Variants in TRAPPC9 observed in about 807,000 individuals in gnomAD.
TRAPPC9 encodes IKK2 binding protein.
A neutral mutation model predicts 124.0 loss-of-function variants in TRAPPC9; 83 were observed. The ratio of observed to expected loss-of-function variants is 0.67; its 90% CI spans 0.56 to 0.80. The LOEUF (loss-of-function observed/expected upper bound fraction) is 0.80, where lower values mean the gene tolerates loss of function less well. TRAPPC9 is among the 30% of genes least tolerant of loss of function. The probability of loss-of-function intolerance (pLI) is 0.00; values close to 1 mark genes in which losing one functional copy is unlikely to be tolerated. For synonymous variants in TRAPPC9, 638 were observed against 617.5 expected, an observed-to-expected ratio of 1.03 and a Z score of -0.49; for missense variants, 1,302 against 1,508.3, an observed-to-expected ratio of 0.86 and a Z score of 2.27.
At chr8:140,242,539 A>T (rs2063884677) in intron 16 of TRAPPC9, among the ~76,000 whole-genome samples, 1 of 152,204 alleles carries the variant, frequency 6.6e-6, no homozygotes, top group African/African-American at 2.4e-5. Flanking sequence ...AGAGAATGAC[A>T]ATCCATCAGA....
rs1167874930 is a variant in TRAPPC9 at position 140,052,048 on chromosome 8, G to A, written c.2557-27969C>T. 4.6e-5 allele frequency among the ~76,000 whole-genome samples: 7 copies of A among 152,254 alleles called. No individual in the cohort carries two copies. The East Asian group carries it at 1.2e-3, about 25-fold the overall frequency. ...TAGTTAAGAAAGATGGAGCATCAGG[G>A]GCCGGCCAGGTGACCACCAGAGGAG... On this transcript the variant is annotated intron_variant, in intron 17 of 22. Coordinates refer to ENST00000438773, the MANE Select transcript of TRAPPC9 (RefSeq NM_001160372.4).
rs151187286 is a variant in TRAPPC9 at position 140,044,629 on chromosome 8, G to A, written c.2557-20550C>T. Among the ~76,000 whole-genome samples the A allele has an allele frequency of 3.9e-3, 601 of 152,340 alleles. 1 individual carries two copies. The highest frequency in any genetic ancestry group is 6.9e-3 in the Non-Finnish European group (471 of 68,030). Reference sequence around the variant, plus strand: ...TGGCAAGCTGCCCAGTGGAGGAGGTGGGTAAATGCTACGGACGGAATACAT... The same window carrying A: ...TGGCAAGCTGCCCAGTGGAGGAGGTAGGTAAATGCTACGGACGGAATACAT... On this transcript the variant is annotated intron_variant, in intron 17 of 22. Transcript: ENST00000438773.
intron 21 of TRAPPC9, among the ~76,000 whole-genome samples, chr8:139,843,311 C>G (rs968005976): frequency 2.6e-5 from 4 of 152,176 alleles, no homozygotes; most frequent in Non-Finnish European, 5.9e-5. Flanking sequence ...GGCTGAGACT[C>G]GGCCCCGGGG....
At chr8:140,255,463 G>A (rs1463035597) in intron 15 of TRAPPC9, among the ~76,000 whole-genome samples, 1 of 152,252 alleles carries the variant, frequency 6.6e-6, no homozygotes, top group Non-Finnish European at 1.5e-5. Context: ...TACTATCACA[G>A]TATTTTAGAA....
intron 17 of TRAPPC9, among the ~76,000 whole-genome samples, chr8:140,088,359 C>CA (rs1453935104): frequency 6.6e-6 from 1 of 152,186 alleles, no homozygotes; most frequent in Non-Finnish European, 1.5e-5. Flanking sequence ...TATCCATCCT[C>CA]AAAACCATCT....
chr8:140,443,110 C>G (rs2071089891), intron 2 of TRAPPC9, among the ~76,000 whole-genome samples: 1 of 106,200 alleles, frequency 9.4e-6, no homozygotes, highest in African/African-American at 3.8e-5. Flanking sequence ...TCTGGCCTGG[C>G]AACGGAGCGA....
intron 8 of TRAPPC9, 77 bp downstream of exon 8, chr8:140,370,887 T>G: frequency 6.5e-7 from 1 of 1,546,970 alleles, no homozygotes; most frequent in Non-Finnish European, 8.9e-7. Context: ...TGTCTGCCAC[T>G]CAGGGCAGGG....
chr8:140,222,846 C>T (rs2063366749), intron 16 of TRAPPC9, among the ~76,000 whole-genome samples: 1 of 152,156 alleles, frequency 6.6e-6, no homozygotes, highest in Non-Finnish European at 1.5e-5. Context: ...GCCAAGAGAA[C>T]AAACCACCAG....
intron 9 of TRAPPC9, among the ~76,000 whole-genome samples, chr8:140,320,119 T>TG (rs1387578063): frequency 6.6e-6 from 1 of 152,196 alleles, no homozygotes; most frequent in Non-Finnish European, 1.5e-5. Context: ...ATCAAATATC[T>TG]GAAGTTACAT....
chr8:139,746,039 G>C (rs943647375), intron 21 of TRAPPC9, among the ~76,000 whole-genome samples: 1 of 152,204 alleles, frequency 6.6e-6, no homozygotes, highest in Non-Finnish European at 1.5e-5. Context: ...ACCAAGGCCA[G>C]TGTGCACCTT....
intron 17 of TRAPPC9, among the ~76,000 whole-genome samples, chr8:140,047,975 A>G (rs1841727438): frequency 6.6e-6 from 1 of 152,206 alleles, no homozygotes; most frequent in Admixed American, 6.5e-5. Context: ...CCCCAGCCAG[A>G]GCTCAAACAA....
intron 18 of TRAPPC9, among the ~76,000 whole-genome samples, chr8:140,004,812 C>A (rs748800783): frequency 2.6e-5 from 4 of 152,126 alleles, no homozygotes; most frequent in Non-Finnish European, 5.9e-5. Flanking sequence ...ATCCCCAAGG[C>A]CTCCCAGGGT....
intron 17 of TRAPPC9, among the ~76,000 whole-genome samples, chr8:140,208,011 T>C (rs1488241021): frequency 8.6e-5 from 13 of 151,842 alleles, no homozygotes; most frequent in Admixed American, 8.5e-4. Flanking sequence ...ATTAGCCGAG[T>C]GTGGTGCACA....
intron 21 of TRAPPC9, among the ~76,000 whole-genome samples, chr8:139,758,281 C>T (rs1484564215): frequency 2.4e-4 from 36 of 152,162 alleles, no homozygotes. Context: ...GAGGAGACCG[C>T]CCTGTGTGGA....
chr8:140,351,662 T>G (rs1016677835), intron 9 of TRAPPC9, among the ~76,000 whole-genome samples: 1 of 152,204 alleles, frequency 6.6e-6, no homozygotes, highest in Non-Finnish European at 1.5e-5. Context: ...ATAAGTTATA[T>G]GCAAATACTA....
chr8:139,828,292 C>T (rs1215782309), intron 21 of TRAPPC9, among the ~76,000 whole-genome samples: 1 of 152,182 alleles, frequency 6.6e-6, no homozygotes, highest in Non-Finnish European at 1.5e-5. Context: ...CCTGAACTGG[C>T]GTGAGGACAG....
rs551204922 is a variant in TRAPPC9, at chr8:140,005,149, C to T, written c.2700-16313G>A. ...ACTGCTATGGAGCTTCCTGATCTCA[C>T]GGAGGACTATGAATGACTACCTATC... On this transcript the variant is annotated intron_variant, in intron 18 of 22. Coordinates refer to ENST00000438773, the MANE Select transcript of TRAPPC9 (RefSeq NM_001160372.4). Among the ~76,000 whole-genome samples the T allele has an allele frequency of 1.0e-3, 158 of 152,306 alleles. 1 individual carries two copies. The highest frequency in any genetic ancestry group is 3.2e-3 in the African/African-American group (132 of 41,568).
At chr8:140,113,352 G>T (rs1234726491) in intron 17 of TRAPPC9, among the ~76,000 whole-genome samples, 1 of 152,262 alleles carries the variant, frequency 6.6e-6, no homozygotes, top group East Asian at 1.9e-4. Flanking sequence ...AGGACCATCA[G>T]GAAAGTGTCC....
At chr8:140,207,810 C>A (rs1233167418) in intron 17 of TRAPPC9, among the ~76,000 whole-genome samples, 1 of 152,188 alleles carries the variant, frequency 6.6e-6, no homozygotes, top group Non-Finnish European at 1.5e-5. Context: ...TTCTAGGCTT[C>A]CTCCAAATAA....
Sources: gnomAD v4.1 joint callset for allele counts (sites outside exome capture counted in the v4.1 genomes callset) on GRCh38, gnomAD v4.1.1 for gene constraint, MANE v1.5 for transcripts, NCBI Gene and HGNC (gene_info 2026-07-23, HGNC 2026-07-21) for gene names.